The following BAZ2B variants were observed in gnomAD, a reference collection of about 807,000 sequenced individuals.
BAZ2B encodes bromodomain adjacent to zinc finger domain protein 2B.
Under a neutral mutation model 246.0 loss-of-function variants are expected in BAZ2B, and 91 were observed. The ratio of observed to expected loss-of-function variants is 0.37; its 90% CI spans 0.31 to 0.44. BAZ2B has a LOEUF of 0.44. Ranked by LOEUF, BAZ2B falls within the 20% of genes least tolerant of loss-of-function variation. The pLI is 1.00. For missense variants in BAZ2B, 2,332 were observed against 2,533.7 expected (o/e 0.92, Z 1.71); for synonymous variants, 855 against 860.0 (o/e 0.99, Z 0.10).
intron 2 of BAZ2B, among the ~76,000 whole-genome samples, chr2:159,512,888 A>G (rs2083071959): frequency 6.6e-6 from 1 of 152,166 alleles, no homozygotes; most frequent in African/African-American, 2.4e-5. Flanking sequence ...ACTGTGTTAC[A>G]CTACAGAATG....
chr2:159,588,375 T>TA (rs1688546025), intron 1 of BAZ2B, among the ~76,000 whole-genome samples: 1 of 151,712 alleles, frequency 6.6e-6, no homozygotes, highest in African/African-American at 2.4e-5. Flanking sequence ...AACTCCAAAA[T>TA]AGGCTGGGTA....
At chr2:159,467,706 G>A (rs1233735600) in intron 3 of BAZ2B, among the ~76,000 whole-genome samples, 1 of 152,002 alleles carries the variant, frequency 6.6e-6, no homozygotes, top group African/African-American at 2.4e-5. Flanking sequence ...GTGGAGTGAG[G>A]TGGTCGTATA....
chr2:159,446,289 A>C (rs2074240339), intron 6 of BAZ2B, among the ~76,000 whole-genome samples: 1 of 152,248 alleles, frequency 6.6e-6, no homozygotes, highest in African/African-American at 2.4e-5. Flanking sequence ...TTGGGGATAT[A>C]CATGAAATAA....
At chr2:159,656,132 G>A in the BAZ2B span, among the ~76,000 whole-genome samples, 3 of 152,050 alleles carry the variant, frequency 2.0e-5, no homozygotes, top group African/African-American at 7.2e-5. Context: ...TTCAGAATTT[G>A]TCTCTCATGC....
chr2:159,565,927 CA>C (rs1193138493), intron 1 of BAZ2B, among the ~76,000 whole-genome samples: 1 of 151,762 alleles, frequency 6.6e-6, no homozygotes, highest in Non-Finnish European at 1.5e-5. Flanking sequence ...AAGGGAAATA[CA>C]ACAAATAGAC....
intron 27 of BAZ2B, 112 bp downstream of exon 27, chr2:159,372,933 A>G: frequency 1.6e-6 from 2 of 1,251,714 alleles, no homozygotes; most frequent in Non-Finnish European, 2.2e-6. Flanking sequence ...TTAAGGTTTT[A>G]CATGTTTACC....
chr2:159,564,050 C>T (rs535694786), intron 1 of BAZ2B, among the ~76,000 whole-genome samples: 71 of 152,252 alleles, frequency 4.7e-4, no homozygotes, highest in Non-Finnish European at 8.5e-4. Flanking sequence ...GCAGTAGAGA[C>T]CTACAAAATC....
At chr2:159,702,795 C>T in the BAZ2B span, among the ~76,000 whole-genome samples, 1 of 152,192 alleles carries the variant, frequency 6.6e-6, no homozygotes, top group Admixed American at 6.5e-5. Flanking sequence ...AATCCCAGCA[C>T]TTTGGGACGC....
downstream of BAZ2B, among the ~76,000 whole-genome samples, chr2:159,317,175 A>C (rs1385222458): frequency 6.6e-6 from 1 of 152,250 alleles, no homozygotes; most frequent in Non-Finnish European, 1.5e-5. Context: ...ATTAGGAATA[A>C]ATGTCTGATA....
At chr2:159,540,998 AAAT>A (rs1471146182) in intron 2 of BAZ2B, among the ~76,000 whole-genome samples, 2 of 152,290 alleles carry the variant, frequency 1.3e-5, no homozygotes, top group Admixed American at 1.3e-4. Context: ...TCATCTGCTG[AAAT>A]AATAATAACA....
At chr2:159,353,453 T>C (rs115576291) in intron 27 of BAZ2B, among the ~76,000 whole-genome samples, 1 of 152,284 alleles carries the variant, frequency 6.6e-6, no homozygotes, top group African/African-American at 2.4e-5. Flanking sequence ...GGAGGAGTAA[T>C]CCAGGTGGAG....
the BAZ2B span, among the ~76,000 whole-genome samples, chr2:159,623,141 TAAAAG>T: frequency 1.4e-4 from 18 of 128,146 alleles, no homozygotes; most frequent in East Asian, 4.5e-4. Context: ...AAAAGAAAGA[TAAAAG>T]GAAAGAAGGA....
chr2:159,606,933 T>TTG (rs1693643032), intron 1 of BAZ2B, among the ~76,000 whole-genome samples: 1 of 151,130 alleles, frequency 6.6e-6, no homozygotes. Flanking sequence ...TTTTTTTTTT[T>TTG]TTTTGAGACG....
At chr2:159,591,284 CT>C (rs893523183) in intron 1 of BAZ2B, among the ~76,000 whole-genome samples, 20 of 152,282 alleles carry the variant, frequency 1.3e-4, no homozygotes, top group Non-Finnish European at 2.6e-4. Context: ...GTTCCAGACT[CT>C]TTTTTTCTGA....
Position 159,432,983 on chromosome 2 carries a change from G to A in BAZ2B, c.1674C>T (p.Ile558=). The A allele has an allele frequency of 6.2e-7, 1 of 1,614,190 alleles. No individual in the cohort carries two copies. The highest frequency in any genetic ancestry group is 8.5e-7 in the Non-Finnish European group (1 of 1,180,034). The change falls in exon 9 of 37, where the codon ATC becomes ATT. Residue 558 remains isoleucine, a synonymous_variant. Transcript: ENST00000392783. ...QTPVMPSASP[I]LHSQGKEKAV... Reference sequence around the variant, plus strand: ...CTTTTTCCTTCCCTTGACTATGCAGGATGGGAGAGGCAGAGGGCATTACAG... The same window carrying A: ...CTTTTTCCTTCCCTTGACTATGCAGAATGGGAGAGGCAGAGGGCATTACAG...
chr2:159,523,681 G>A (rs1438505529), intron 2 of BAZ2B, among the ~76,000 whole-genome samples: 2 of 152,160 alleles, frequency 1.3e-5, no homozygotes, highest in African/African-American at 4.8e-5. Flanking sequence ...CTGGGTGACA[G>A]AGTGAGACTC....
At chr2:159,664,911 G>A in the BAZ2B span, among the ~76,000 whole-genome samples, 2 of 151,126 alleles carry the variant, frequency 1.3e-5, no homozygotes, top group Non-Finnish European at 2.9e-5. Context: ...TTTGGCTTTT[G>A]TTGCCATTGC....
chr2:159,710,174 G>A, the BAZ2B span, among the ~76,000 whole-genome samples: 1 of 150,650 alleles, frequency 6.6e-6, no homozygotes, highest in African/African-American at 2.4e-5. Flanking sequence ...CCATGACCAT[G>A]TTTTACCTAT....
intron 16 of BAZ2B, among the ~76,000 whole-genome samples, chr2:159,403,396 T>C (rs1403956601): frequency 6.6e-6 from 1 of 152,168 alleles, no homozygotes; most frequent in Non-Finnish European, 1.5e-5. Context: ...GGATTCAGGT[T>C]GTAGCTACTG....
Sources: allele counts gnomAD v4.1 joint callset (sites outside exome capture counted in the v4.1 genomes callset), GRCh38; gene constraint gnomAD v4.1.1; transcripts MANE v1.5; gene names NCBI Gene and HGNC (gene_info 2026-07-23, HGNC 2026-07-21).